The following ROBO2 variants were observed in gnomAD, a reference collection of about 807,000 sequenced individuals.
ROBO2 encodes the protein roundabout homolog 2.
A neutral mutation model predicts 160.8 loss-of-function variants in ROBO2; 53 were observed. The observed-to-expected ratio is 0.33, with a 90% CI of 0.26 to 0.41. The LOEUF (loss-of-function observed/expected upper bound fraction) is 0.41, where lower values mean the gene tolerates loss of function less well. ROBO2 is among the 10% of genes least tolerant of loss of function. The pLI is 1.00. For missense variants in ROBO2, 1,577 were observed against 1,722.4 expected, an observed-to-expected ratio of 0.92 and a Z score of 1.49; for synonymous variants, 664 against 611.7, an observed-to-expected ratio of 1.09 and a Z score of -1.26.
intron 2 of ROBO2, among the ~76,000 whole-genome samples, chr3:77,180,700 A>G (rs2080696027): frequency 6.6e-6 from 1 of 151,894 alleles, no homozygotes; most frequent in African/African-American, 2.4e-5. Flanking sequence ...TAATTTAAAG[A>G]TTCAATTTTG....
At chr3:77,622,568 T>TA (rs1583339532) in intron 23 of ROBO2, 136 bp downstream of exon 24, 3 of 781,432 alleles carry the variant, frequency 3.8e-6, no homozygotes, top group East Asian at 5.4e-5. Flanking sequence ...TAATATTAAA[T>TA]ACAAAATTCA....
At chr3:77,013,577 A>C (rs1186822486) in intron 2 of ROBO2, among the ~76,000 whole-genome samples, 1 of 152,184 alleles carries the variant, frequency 6.6e-6, no homozygotes, top group East Asian at 1.9e-4. Context: ...TGTAGGTAGA[A>C]ACAGCCTAGA....
At chr3:77,347,245 T>C (rs1158063165) in intron 2 of ROBO2, among the ~76,000 whole-genome samples, 1 of 152,166 alleles carries the variant, frequency 6.6e-6, no homozygotes, top group Non-Finnish European at 1.5e-5. Flanking sequence ...AAGGTTCATA[T>C]TTGATTTATT....
chr3:77,293,613 G>A (rs2061601695), intron 2 of ROBO2, among the ~76,000 whole-genome samples: 1 of 144,758 alleles, frequency 6.9e-6, no homozygotes, highest in Admixed American at 7.2e-5. Context: ...CAGACACAAA[G>A]TAAAATTGAC....
intron 2 of ROBO2, among the ~76,000 whole-genome samples, chr3:76,951,187 G>T (rs1214497849): frequency 1.3e-5 from 2 of 152,082 alleles, no homozygotes; most frequent in East Asian, 1.9e-4. Flanking sequence ...ACTGTGCTTG[G>T]CCTCCATTCT....
chr3:76,592,730 A>G (rs899550423), intron 2 of ROBO2, among the ~76,000 whole-genome samples: 4 of 151,448 alleles, frequency 2.6e-5, no homozygotes, highest in Admixed American at 6.6e-5. Flanking sequence ...TTCTACTCCA[A>G]GTTTCTACTC....
At chr3:76,075,267 G>GT (rs1260127506) in intron 2 of ROBO2, among the ~76,000 whole-genome samples, 2 of 151,752 alleles carry the variant, frequency 1.3e-5, no homozygotes, top group Non-Finnish European at 2.9e-5. Context: ...AGTGGCCAGG[G>GT]GAGGATGAAC....
At chr3:77,475,018 A>G (rs2083825283) in intron 2 of ROBO2, among the ~76,000 whole-genome samples, 1 of 152,188 alleles carries the variant, frequency 6.6e-6, no homozygotes, top group African/African-American at 2.4e-5. Context: ...TTCTAAAAAT[A>G]AGTTCTAGGC....
At chr3:76,415,133 T>C (rs2075700242) in intron 2 of ROBO2, among the ~76,000 whole-genome samples, 5 of 152,054 alleles carry the variant, frequency 3.3e-5, no homozygotes, top group Admixed American at 3.3e-4. Flanking sequence ...GTAACCAGAA[T>C]CTCCTGTGTT....
chr3:77,028,007 C>A (rs2063081641), intron 2 of ROBO2, among the ~76,000 whole-genome samples: 1 of 152,176 alleles, frequency 6.6e-6, no homozygotes, highest in East Asian at 1.9e-4. Flanking sequence ...GAAACCAAGC[C>A]TGTGGAATAT....
intron 2 of ROBO2, among the ~76,000 whole-genome samples, chr3:77,240,054 T>C (rs1312044795): frequency 6.6e-6 from 1 of 152,136 alleles, no homozygotes; most frequent in African/African-American, 2.4e-5. Flanking sequence ...GCCAGGGCCA[T>C]AGGCGGAGCT....
intron 2 of ROBO2, among the ~76,000 whole-genome samples, chr3:77,108,101 TCTTTA>T (rs1204735759): frequency 3.9e-5 from 6 of 151,932 alleles, no homozygotes; most frequent in African/African-American, 1.4e-4. Flanking sequence ...CTTCTTGCTT[TCTTTA>T]CTTATTCATA....
At chr3:76,768,251 T>C (rs1234878287) in intron 2 of ROBO2, among the ~76,000 whole-genome samples, 1 of 151,494 alleles carries the variant, frequency 6.6e-6, no homozygotes, top group African/African-American at 2.4e-5. Flanking sequence ...TTTTACACAG[T>C]GCACACTTCT....
At chr3:76,189,787 T>A (rs6805107) in intron 2 of ROBO2, among the ~76,000 whole-genome samples, 114,079 of 151,950 alleles carry the variant, frequency 0.75, 44,535 homozygotes, top group Non-Finnish European at 0.87. Context: ...TGCTAAGGTT[T>A]TAAACACATT....
intron 1 of ROBO2, among the ~76,000 whole-genome samples, chr3:77,069,547 G>C (rs1186238784): frequency 1.3e-5 from 2 of 152,160 alleles, no homozygotes; most frequent in Non-Finnish European, 2.9e-5. Flanking sequence ...GTTCTTGTAA[G>C]TCAGTGACTT....
At chr3:77,543,669 GA>G (rs1207179627) in intron 6 of ROBO2, among the ~76,000 whole-genome samples, 1 of 152,108 alleles carries the variant, frequency 6.6e-6, no homozygotes, top group African/African-American at 2.4e-5. Flanking sequence ...TTAAAACTAT[GA>G]AATACATAAA....
At chr3:77,211,038 G>A (rs553773948) in intron 2 of ROBO2, among the ~76,000 whole-genome samples, 203 of 152,222 alleles carry the variant, frequency 1.3e-3, no homozygotes, top group African/African-American at 4.3e-3. Context: ...GAATAGTGCC[G>A]CAATAAACAT....
At chr3:77,377,782 T>C (rs2072890012) in intron 2 of ROBO2, among the ~76,000 whole-genome samples, 1 of 152,206 alleles carries the variant, frequency 6.6e-6, no homozygotes, top group Non-Finnish European at 1.5e-5. Flanking sequence ...TTTTGGTGTT[T>C]AATCATTTTG....
At chr3:76,010,484 A>G (rs2066162395) in intron 2 of ROBO2, among the ~76,000 whole-genome samples, 1 of 152,208 alleles carries the variant, frequency 6.6e-6, no homozygotes, top group South Asian at 2.1e-4. Context: ...AGCATTCATG[A>G]CCTTCAAACA....
Sources: gnomAD v4.1 joint callset for allele counts (sites outside exome capture counted in the v4.1 genomes callset) on GRCh38, gnomAD v4.1.1 for gene constraint, MANE v1.5 for transcripts, NCBI Gene and HGNC (gene_info 2026-07-23, HGNC 2026-07-21) for gene names.